LOC400499: variants seen among roughly 807,000 people sequenced by gnomAD.
the LOC400499 span, chr16:11,488,637 G>C: frequency 5.0e-6 from 2 of 397,406 alleles, no homozygotes; most frequent in Non-Finnish European, 8.9e-6. Context: ...ATGCTCTCAA[G>C]AGCTGGAGCT....
chr16:11,447,838 A>T, the LOC400499 span: 2 of 1,415,544 alleles, frequency 1.4e-6, no homozygotes, highest in African/African-American at 2.9e-5. Context: ...GAGATTCTCC[A>T]GGTAGCTCTG....
chr16:11,386,354 C>T, the LOC400499 span, among the ~76,000 whole-genome samples: 5 of 152,354 alleles, frequency 3.3e-5, no homozygotes, highest in East Asian at 1.9e-4. Flanking sequence ...GTACCAGCCC[C>T]GTGGGCAGCT....
the LOC400499 span, among the ~76,000 whole-genome samples, chr16:11,507,768 CA>C: frequency 2.6e-5 from 4 of 151,984 alleles, no homozygotes; most frequent in African/African-American, 9.7e-5. Context: ...CCCGTCTCTA[CA>C]AAAAACACAC....
chr16:11,407,836 G>T, the LOC400499 span, among the ~76,000 whole-genome samples: 4 of 152,132 alleles, frequency 2.6e-5, no homozygotes, highest in Non-Finnish European at 5.9e-5. Flanking sequence ...TGCGAAAATT[G>T]TATGAAATAA....
chr16:11,402,160 T>G, the LOC400499 span: 3 of 398,976 alleles, frequency 7.5e-6, no homozygotes, highest in Non-Finnish European at 1.3e-5. Flanking sequence ...TGAGCTCCAC[T>G]GGGTGGGTGA....
chr16:11,493,719 T>C, the LOC400499 span: 1 of 395,956 alleles, frequency 2.5e-6, no homozygotes, highest in Non-Finnish European at 4.4e-6. Flanking sequence ...TTCTCAGAGA[T>C]GCACAGGCAC....
At chr16:11,504,007 G>A in the LOC400499 span, among the ~76,000 whole-genome samples, 1 of 152,324 alleles carries the variant, frequency 6.6e-6, no homozygotes, top group Non-Finnish European at 1.5e-5. Context: ...TTGGCACCCT[G>A]GGTTCGGAAG....
chr16:11,507,405 C>T, the LOC400499 span, among the ~76,000 whole-genome samples: 100 of 152,306 alleles, frequency 6.6e-4, 1 homozygote, highest in African/African-American at 2.3e-3. Flanking sequence ...TCGGTGTCCA[C>T]AGCACCCAGG....
At chr16:11,514,545 G>A in the LOC400499 span, 235,494 of 399,800 alleles carry the variant, frequency 0.59, 71,562 homozygotes, top group Admixed American at 0.66. Context: ...CCGGGCTGCG[G>A]ACCAAGAGGG....
the LOC400499 span, chr16:11,488,988 T>A: frequency 0.029 from 11,620 of 396,180 alleles, 229 homozygotes; most frequent in Admixed American, 0.041. Context: ...GCACGGGGGC[T>A]TCTCAGGAGT....
the LOC400499 span, chr16:11,384,042 C>T: frequency 1.6e-6 from 2 of 1,231,830 alleles, no homozygotes; most frequent in Non-Finnish European, 2.0e-6. Context: ...AGGCCTCCTG[C>T]TGGACCATGT....
At chr16:11,496,318 C>T in the LOC400499 span, among the ~76,000 whole-genome samples, 1 of 152,166 alleles carries the variant, frequency 6.6e-6, no homozygotes. Context: ...CTGCCCACCT[C>T]AGCCTCCCAA....
At chr16:11,435,497 C>G in the LOC400499 span, among the ~76,000 whole-genome samples, 1 of 152,206 alleles carries the variant, frequency 6.6e-6, no homozygotes, top group Non-Finnish European at 1.5e-5. Context: ...AAGTGAACAC[C>G]ACCCTCTTTT....
the LOC400499 span, among the ~76,000 whole-genome samples, chr16:11,385,578 A>AT: frequency 6.6e-6 from 1 of 152,198 alleles, no homozygotes; most frequent in Non-Finnish European, 1.5e-5. Context: ...AGGCCCAGGG[A>AT]TCCCCCACCG....
At chr16:11,455,055 G>A in the LOC400499 span, among the ~76,000 whole-genome samples, 19 of 152,228 alleles carry the variant, frequency 1.2e-4, no homozygotes, top group South Asian at 1.2e-3. Context: ...CAATGCTGCT[G>A]AAAATTCTGT....
chr16:11,433,188 G>T, the LOC400499 span, among the ~76,000 whole-genome samples: 2 of 152,158 alleles, frequency 1.3e-5, no homozygotes, highest in Non-Finnish European at 2.9e-5. Context: ...TTCCCATCTG[G>T]CCTTTTACTG....
chr16:11,375,455 A>G, the LOC400499 span, among the ~76,000 whole-genome samples: 1 of 140,944 alleles, frequency 7.1e-6, no homozygotes, highest in South Asian at 2.2e-4. Flanking sequence ...CTGGGACTAC[A>G]GGCATACACC....
the LOC400499 span, chr16:11,396,527 A>C: frequency 8.1e-7 from 1 of 1,231,968 alleles, no homozygotes; most frequent in African/African-American, 1.6e-5. Flanking sequence ...TGCCCCGGAG[A>C]AGTCAGCTGA....
chr16:11,513,288 C>A, the LOC400499 span, among the ~76,000 whole-genome samples: 3 of 151,804 alleles, frequency 2.0e-5, no homozygotes, highest in African/African-American at 7.3e-5. Context: ...ACCTGTAGTC[C>A]CAGTTACCTG....
Sources: allele counts gnomAD v4.1 joint callset (sites outside exome capture counted in the v4.1 genomes callset), GRCh38; gene constraint gnomAD v4.1.1; transcripts MANE v1.5.